Variants in INO80 observed in about 807,000 individuals in gnomAD.
INO80 encodes the protein chromatin-remodeling ATPase INO80.
A neutral mutation model predicts 203.4 loss-of-function variants in INO80; 20 were observed. That is an observed-to-expected ratio of 0.10 (90% CI 0.07 to 0.14). The LOEUF (loss-of-function observed/expected upper bound fraction) is 0.14. Ranked by LOEUF, INO80 falls within the 10% of genes least tolerant of loss-of-function variation. The probability of loss-of-function intolerance (pLI) is 1.00; values close to 1 mark genes in which losing one functional copy is unlikely to be tolerated. For missense variants in INO80, 1,419 were observed against 1,914.4 expected (o/e 0.74, Z 4.83); for synonymous variants, 726 against 685.2 (o/e 1.06, Z -0.93).
intron 23 of INO80, among the ~76,000 whole-genome samples, chr15:41,046,150 T>G (rs8023345): frequency 0.39 from 52,990 of 134,226 alleles, 11,359 homozygotes; most frequent in Middle Eastern, 0.46. Context: ...ATTTAAGGGG[T>G]GTGTGTGTGT....
At chr15:41,060,693 T>A (rs75578916) in intron 14 of INO80, among the ~76,000 whole-genome samples, 1 of 152,170 alleles carries the variant, frequency 6.6e-6, no homozygotes, top group Non-Finnish European at 1.5e-5. Flanking sequence ...CAGTAAATCA[T>A]ACATAGACTT....
intron 10 of INO80, 119 bp from the exon 11 acceptor site, chr15:41,073,614 G>A (rs2045357643): frequency 2.4e-6 from 2 of 826,604 alleles, no homozygotes; most frequent in Non-Finnish European, 4.1e-6. Flanking sequence ...TGGGTTCACG[G>A]AGGGTGGGGG....
intron 7 of INO80, among the ~76,000 whole-genome samples, chr15:41,084,685 T>C (rs1477659386): frequency 1.3e-5 from 2 of 152,334 alleles, no homozygotes; most frequent in East Asian, 3.9e-4. Flanking sequence ...ATTCAAACAT[T>C]TGTAAATTCT....
At chr15:41,070,775 T>C (rs1246902439) in intron 12 of INO80, among the ~76,000 whole-genome samples, 1 of 152,216 alleles carries the variant, frequency 6.6e-6, no homozygotes, top group Non-Finnish European at 1.5e-5. Flanking sequence ...TGTTAGCTAA[T>C]ACAACCCAGA....
chr15:40,987,327 T>C (rs1444055981), intron 30 of INO80, 134 bp from the exon 31 acceptor site: 2 of 567,162 alleles, frequency 3.5e-6, no homozygotes, highest in South Asian at 2.4e-5. Flanking sequence ...CTTTTCTCCC[T>C]TTTCATTTCA....
intron 26 of INO80, among the ~76,000 whole-genome samples, chr15:41,019,281 T>C (rs557154300): frequency 2.6e-5 from 4 of 152,176 alleles, no homozygotes; most frequent in African/African-American, 9.6e-5. Context: ...AGAGAGATGA[T>C]AAAGGGTTCC....
Position 41,096,331 on chromosome 15 carries a change from C to A in INO80, c.-21G>T. 1.3e-6 allele frequency: 2 copies of A among 1,559,166 alleles called. No homozygotes were observed. The highest frequency in any genetic ancestry group is 1.7e-6 in the Non-Finnish European group (2 of 1,160,144). On this transcript the variant is annotated 5_prime_UTR_variant, in exon 2 of 36. Coordinates refer to ENST00000648947, the MANE Select transcript of INO80 (RefSeq NM_017553.3). ...GCCATAGAACAAATCTGTCTTCATG[C>A]ACAAGGACCTCCGACTGCACGGCTG...
At chr15:41,004,762 T>TTAA (rs1204774162) in intron 28 of INO80, 2 of 152,190 alleles carry the variant, frequency 1.3e-5, no homozygotes, top group African/African-American at 4.8e-5. Flanking sequence ...GCTGAGTAGA[T>TTAA]TGTACAGTAT....
rs199623428 is a variant in INO80, at chr15:41,059,936, G to C, written c.1783-10C>G. The C allele has an allele frequency of 2.5e-6, 4 of 1,579,046 alleles. No individual in the cohort carries two copies. In the East Asian group the frequency reaches 9.0e-5, roughly 35 times the overall value. On this transcript the variant is annotated splice_polypyrimidine_tract_variant and intron_variant, in intron 14 of 35. Coordinates refer to ENST00000648947, the MANE Select transcript of INO80 (RefSeq NM_017553.3). ...CCCAATATGGTAGCACCTAGAAAAA[G>C]GGCCAATATATACATTACTTTCTAT...
intron 22 of INO80, among the ~76,000 whole-genome samples, 157 bp downstream of exon 22, chr15:41,048,055 A>G (rs948023591): frequency 3.3e-5 from 5 of 152,196 alleles, no homozygotes; most frequent in African/African-American, 1.2e-4. Flanking sequence ...CTATAAAGAT[A>G]ACTAATTTCC....
intron 24 of INO80, among the ~76,000 whole-genome samples, chr15:41,040,299 G>A (rs1190397246): frequency 6.6e-6 from 1 of 152,202 alleles, no homozygotes; most frequent in African/African-American, 2.4e-5. Flanking sequence ...TGCAAAGTCA[G>A]AGGATCTGTG....
chr15:41,048,301 A>G (rs1305102793), intron 21 of INO80, 25 bp from the exon 22 acceptor site: 4 of 1,564,462 alleles, frequency 2.6e-6, no homozygotes, highest in African/African-American at 1.4e-5. Flanking sequence ...AATAAAATAA[A>G]GCCAAACCCA....
intron 24 of INO80, among the ~76,000 whole-genome samples, chr15:41,034,504 T>C (rs1428032740): frequency 6.6e-6 from 1 of 152,174 alleles, no homozygotes; most frequent in Non-Finnish European, 1.5e-5. Flanking sequence ...GATCTGATGA[T>C]AGGAAGTTAT....
At chr15:41,109,698 G>A (rs559378225) in intron 1 of INO80, among the ~76,000 whole-genome samples, 19 of 151,926 alleles carry the variant, frequency 1.3e-4, no homozygotes, top group African/African-American at 2.4e-4. Flanking sequence ...TTGGGAGGCC[G>A]AGGCAGATGG....
intron 26 of INO80, chr15:41,018,268 T>C (rs2044240055): frequency 6.6e-6 from 1 of 152,232 alleles, no homozygotes. Context: ...TAAAAATTTG[T>C]TTTATGTCTG....
intron 25 of INO80, among the ~76,000 whole-genome samples, chr15:41,022,589 C>T (rs1178442483): frequency 6.6e-6 from 1 of 152,082 alleles, no homozygotes; most frequent in Non-Finnish European, 1.5e-5. Flanking sequence ...AGGGTACCAA[C>T]GTGACAGAAA....
At position 41,080,902 on chromosome 15, in the gene INO80, G is replaced by A. The variant is rs989109371; in HGVS notation, c.927+118C>T. 37 of 702,962 alleles carry A rather than the reference G, an allele frequency of 5.3e-5. No individual in the cohort carries two copies. In the East Asian group the frequency reaches 6.6e-4, roughly 13 times the overall value. 43.5% of individuals were successfully genotyped at this position (702,962 alleles called of 1,614,324 possible). A position where few individuals can be genotyped will look rare whatever the true frequency, so the allele number is the denominator to read the frequency against. The stretch of plus-strand genomic sequence containing the variant: ...TGAGAACATTCAGAAACTCTCTTAC[G>A]AACTATTAGATTCATGATCAACAGG... On this transcript the variant is annotated intron_variant, in intron 8 of 35. Transcript: ENST00000648947.
rs1893755147 is a variant in INO80, at chr15:40,979,962, C to T, written c.*261G>A. 1 of 512,542 alleles carries T rather than the reference C, an allele frequency of 2.0e-6. No individual in the cohort carries two copies. The highest frequency in any genetic ancestry group is 3.5e-6 in the Non-Finnish European group (1 of 282,428). The allele number at this position is 512,542 out of a possible 1,614,324, so 31.7% of individuals were successfully genotyped here. ...GGCTTGCCCCGTGAGAGGTTTAAGACTTGGCTATACAGTTCACTTGAGATG... is the reference window on the plus strand; with the variant it reads ...GGCTTGCCCCGTGAGAGGTTTAAGATTTGGCTATACAGTTCACTTGAGATG... On this transcript the variant is annotated 3_prime_UTR_variant, in exon 36 of 36. Transcript: ENST00000648947.
intron 24 of INO80, among the ~76,000 whole-genome samples, chr15:41,035,507 C>T (rs1366525235): frequency 2.0e-5 from 3 of 148,708 alleles, no homozygotes; most frequent in African/African-American, 7.5e-5. Flanking sequence ...GCCTGGGTGA[C>T]AAAGCAAGAC....
Sources: gnomAD v4.1 joint callset for allele counts (sites outside exome capture counted in the v4.1 genomes callset) on GRCh38, gnomAD v4.1.1 for gene constraint, MANE v1.5 for transcripts, NCBI Gene and HGNC (gene_info 2026-07-23, HGNC 2026-07-21) for gene names.